The following SYBU variants were observed in gnomAD, a reference collection of about 807,000 sequenced individuals.
The protein encoded by SYBU is GOLSYN A protein.
A neutral mutation model predicts 35.9 loss-of-function variants in SYBU; 21 were observed. The observed-to-expected ratio is 0.58, with a 90% CI of 0.41 to 0.84. The LOEUF (loss-of-function observed/expected upper bound fraction) is 0.84, where lower values mean the gene tolerates loss of function less well. Among genes scored for constraint, SYBU ranks in the 40% least tolerant of loss-of-function variants. The pLI is 0.00. For synonymous variants in SYBU, 319 were observed against 324.3 expected (o/e 0.98, Z 0.18); for missense variants, 768 against 848.2 (o/e 0.91, Z 1.17).
chr8:109,583,828 G>T (rs1195716317), intron 4 of SYBU, among the ~76,000 whole-genome samples: 1 of 152,080 alleles, frequency 6.6e-6, no homozygotes, highest in African/African-American at 2.4e-5. Flanking sequence ...TTACTTATTT[G>T]AAACAGTCTT....
At chr8:109,652,438 C>G (rs560393940) in intron 1 of SYBU, among the ~76,000 whole-genome samples, 1 of 152,060 alleles carries the variant, frequency 6.6e-6, no homozygotes, top group African/African-American at 2.4e-5. Flanking sequence ...GTCCAGGCCC[C>G]AAGGATTGAT....
upstream of SYBU, among the ~76,000 whole-genome samples, chr8:109,683,148 T>C (rs1221148874): frequency 6.6e-6 from 1 of 152,212 alleles, no homozygotes; most frequent in Non-Finnish European, 1.5e-5. Flanking sequence ...CTAGTAGAGC[T>C]GTGAGAAGAG....
intron 1 of SYBU, among the ~76,000 whole-genome samples, chr8:109,655,296 G>A (rs1203066284): frequency 6.6e-6 from 1 of 152,234 alleles, no homozygotes; most frequent in Non-Finnish European, 1.5e-5. Flanking sequence ...TGTCTTGAGT[G>A]TGAAATAGGA....
At chr8:109,585,995 T>A (rs567736939) in intron 4 of SYBU, 65 bp downstream of exon 4, 1 of 1,099,050 alleles carries the variant, frequency 9.1e-7, no homozygotes, top group Non-Finnish European at 1.3e-6. Flanking sequence ...GTTCTACAGA[T>A]GCACAGGTGC....
At chr8:109,672,042 T>A (rs2130766098) in intron 1 of SYBU, among the ~76,000 whole-genome samples, 1 of 152,240 alleles carries the variant, frequency 6.6e-6, no homozygotes, top group Non-Finnish European at 1.5e-5. Context: ...ACTAGGATTA[T>A]ATGCATGTGC....
upstream of SYBU, among the ~76,000 whole-genome samples, chr8:109,684,546 A>T (rs190526406): frequency 6.6e-6 from 1 of 152,252 alleles, no homozygotes; most frequent in African/African-American, 2.4e-5. Context: ...AACATTATCA[A>T]TCTAGCTCAG....
chr8:109,642,658 T>G, intron 2 of SYBU, 70 bp downstream of exon 2: 2 of 1,072,196 alleles, frequency 1.9e-6, no homozygotes, highest in Non-Finnish European at 1.3e-6. Context: ...GGACCCAGTA[T>G]GGGCCCATTC....
At chr8:109,605,525 T>A (rs1825982961) in intron 3 of SYBU, among the ~76,000 whole-genome samples, 1 of 152,210 alleles carries the variant, frequency 6.6e-6, no homozygotes, top group African/African-American at 2.4e-5. Context: ...CATGCCACGT[T>A]CTTTCCAGGG....
At chr8:109,659,075 A>T (rs934753611) in intron 1 of SYBU, among the ~76,000 whole-genome samples, 1 of 152,230 alleles carries the variant, frequency 6.6e-6, no homozygotes, top group South Asian at 2.1e-4. Context: ...TAGAACTTAC[A>T]TATCATTTCA....
At chr8:109,603,297 A>T (rs1825738064) in intron 3 of SYBU, 3 of 611,452 alleles carry the variant, frequency 4.9e-6, no homozygotes, top group Non-Finnish European at 6.1e-6. Context: ...TCCTTCCAAA[A>T]ACATTTTCTA....
At chr8:109,601,914 A>G in intron 3 of SYBU, among the ~76,000 whole-genome samples, 1 of 152,224 alleles carries the variant, frequency 6.6e-6, no homozygotes, top group East Asian at 1.9e-4. Context: ...AGAGAGAACC[A>G]TAATGAGTTT....
At chr8:109,634,440 T>A (rs1296733963) in intron 2 of SYBU, among the ~76,000 whole-genome samples, 1 of 152,210 alleles carries the variant, frequency 6.6e-6, no homozygotes, top group Non-Finnish European at 1.5e-5. Context: ...ACTTTTCTAG[T>A]TGCTTTATTT....
Position 109,630,034 on chromosome 8 carries a change from C to CCCA in SYBU, c.230-10996_230-10995insTGG, listed in dbSNP as rs1207566702. Among the ~76,000 whole-genome samples the CCCA allele has an allele frequency of 5.9e-5, 9 of 151,896 alleles. No individual in the cohort carries two copies. In the East Asian group the frequency reaches 1.7e-3, roughly 29 times the overall value. On this transcript the variant is annotated intron_variant, in intron 2 of 6. Transcript: ENST00000276646. ...AACTTGAACCAACCCAAATGTCCAA[C>CCCA]AATGATAGACTGGATTAAGAAAATG...
In SYBU at chr8:109,618,824, A is replaced by T. The variant is rs1812109487; in HGVS notation, c.427+18T>A. 6.2e-7 allele frequency: 1 copy of T among 1,610,762 alleles called. No individual in the cohort carries two copies. Among genetic ancestry groups the T allele is most frequent in the African/African-American group, 1.3e-5 (1 of 74,880 alleles). On this transcript the variant is annotated intron_variant, in intron 3 of 6. Transcript: ENST00000276646. ...ATCACATTGTTCTGATGAAAACATG[A>T]CGAGTAAGTTCACTGACCTGGTTTC...
At chr8:109,622,363 C>T (rs920214481) in intron 2 of SYBU, among the ~76,000 whole-genome samples, 1 of 152,082 alleles carries the variant, frequency 6.6e-6, no homozygotes, top group African/African-American at 2.4e-5. Context: ...TCCTGAGTAG[C>T]TGGGATTACA....
At chr8:109,689,496 T>A (rs955988907) in intron 1 of SYBU, among the ~76,000 whole-genome samples, 13 of 152,188 alleles carry the variant, frequency 8.5e-5, no homozygotes, top group African/African-American at 2.9e-4. Context: ...CTATTTTTTT[T>A]ATATTTGGTA....
chr8:109,647,137 CA>C (rs1815782414), upstream of SYBU: 1 of 152,222 alleles, frequency 6.6e-6, no homozygotes, highest in African/African-American at 2.4e-5. Flanking sequence ...ATGTGGCACA[CA>C]AGGCTTTCCT....
At chr8:109,625,420 T>C (rs903809789) in intron 2 of SYBU, among the ~76,000 whole-genome samples, 9 of 152,204 alleles carry the variant, frequency 5.9e-5, no homozygotes, top group Non-Finnish European at 4.4e-5. Context: ...ACATCACTTT[T>C]AAAATGTGTT....
At position 109,631,578 on chromosome 8, in the gene SYBU, C is replaced by A. The variant is rs552927915; in HGVS notation, c.229+11150G>T. 2.0e-5 allele frequency among the ~76,000 whole-genome samples: 3 copies of A among 152,294 alleles called. No individual in the cohort carries two copies. In the South Asian group the frequency reaches 6.2e-4, roughly 32 times the overall value. On this transcript the variant is annotated intron_variant, in intron 2 of 6. Transcript: ENST00000276646. ...GGCCGAGTACTTGGTTTCTACCAAGCATCAAGTTGTTTGATTTGCACTAGC... is the reference window on the plus strand; with the variant it reads ...GGCCGAGTACTTGGTTTCTACCAAGAATCAAGTTGTTTGATTTGCACTAGC...
Sources: gnomAD v4.1 joint callset for allele counts (sites outside exome capture counted in the v4.1 genomes callset) on GRCh38, gnomAD v4.1.1 for gene constraint, MANE v1.5 for transcripts, NCBI Gene and HGNC (gene_info 2026-07-23, HGNC 2026-07-21) for gene names.